ADAMTS19: variants seen among roughly 807,000 people sequenced by gnomAD.
The protein encoded by ADAMTS19 is ADAM metallopeptidase with thrombospondin type 1 motif 19.
In ADAMTS19, 93 loss-of-function variants were observed where a neutral mutation model predicts 153.3. That is an observed-to-expected ratio of 0.61 (90% CI 0.51 to 0.72). The LOEUF is 0.72. ADAMTS19 is among the 30% of genes least tolerant of loss of function. The pLI, the probability that ADAMTS19 is intolerant of heterozygous loss-of-function variation, is 0.00. For missense variants in ADAMTS19, 1,482 were observed against 1,552.1 expected, an observed-to-expected ratio of 0.95 and a Z score of 0.76; for synonymous variants, 600 against 556.6, an observed-to-expected ratio of 1.08 and a Z score of -1.10.
chr5:129,582,840 G>C (rs1287440569), intron 7 of ADAMTS19, among the ~76,000 whole-genome samples: 1 of 151,790 alleles, frequency 6.6e-6, no homozygotes, highest in Non-Finnish European at 1.5e-5. Context: ...CAAAAGTGCT[G>C]GGATTACAGG....
At chr5:129,571,088 T>C (rs1363084159) in intron 7 of ADAMTS19, among the ~76,000 whole-genome samples, 2 of 151,724 alleles carry the variant, frequency 1.3e-5, no homozygotes, top group Admixed American at 6.6e-5. Flanking sequence ...GAAAACTAAA[T>C]GAAAGGCATA....
chr5:129,703,236 C>T (rs1025420078), intron 20 of ADAMTS19, among the ~76,000 whole-genome samples: 3 of 150,670 alleles, frequency 2.0e-5, no homozygotes, highest in Non-Finnish European at 2.9e-5. Context: ...CATACATATT[C>T]CATGATGTGG....
chr5:129,513,881 T>C (rs1245591758), intron 3 of ADAMTS19, among the ~76,000 whole-genome samples: 1 of 152,060 alleles, frequency 6.6e-6, no homozygotes, highest in East Asian at 1.9e-4. Context: ...GTAGGTCTTA[T>C]TCATTTTTTC....
chr5:129,461,308 C>A lies in ADAMTS19; in HGVS notation c.298C>A (p.Pro100Thr). ...TGTGGCTCCGGTGCCTTTGGAGGAG[C>A]CCGTGGAGGGCCGATCAGAGTCCCG... ...RSVAPVPLEEPVEGRSESRLR... is the reference protein window; with the variant it reads ...RSVAPVPLEETVEGRSESRLR... Residue 100 changes from proline (P) to threonine (T), a missense_variant, in exon 2 of 23, where the codon CCC (proline) becomes ACC (threonine). Transcript: ENST00000274487. This position sits in a 1 kb window ranked among gnomAD's most constrained non-coding sequence, Gnocchi z 4.6. 7.6e-7 allele frequency: 1 copy of A among 1,312,106 alleles called. No individual in the cohort carries two copies. Among genetic ancestry groups the A allele is most frequent in the Non-Finnish European group, 9.6e-7 (1 of 1,038,162 alleles). 81.3% of individuals were successfully genotyped at this position (1,312,106 alleles called of 1,614,324 possible).
At chr5:129,502,328 T>C (rs755261723) in intron 2 of ADAMTS19, among the ~76,000 whole-genome samples, 23 of 151,958 alleles carry the variant, frequency 1.5e-4, no homozygotes, top group Non-Finnish European at 2.1e-4. Context: ...AAAATTTAAG[T>C]AGAGTGTAAG....
chr5:129,558,547 CTAAG>C (rs1378088702), intron 7 of ADAMTS19, among the ~76,000 whole-genome samples: 1 of 151,984 alleles, frequency 6.6e-6, no homozygotes, highest in Non-Finnish European at 1.5e-5. Flanking sequence ...GTCTGAAAGA[CTAAG>C]TATGATACAA....
chr5:129,519,825 C>T (rs941901182), intron 3 of ADAMTS19, among the ~76,000 whole-genome samples: 18 of 152,002 alleles, frequency 1.2e-4, no homozygotes, highest in South Asian at 4.1e-4. Context: ...TCTTGATTTC[C>T]GTCTAACCCT....
At chr5:129,557,975 A>G (rs1482890643) in intron 7 of ADAMTS19, among the ~76,000 whole-genome samples, 3 of 152,118 alleles carry the variant, frequency 2.0e-5, no homozygotes, top group Admixed American at 6.6e-5. Flanking sequence ...ATGTAACTAT[A>G]TATTCCAATT....
intron 10 of ADAMTS19, among the ~76,000 whole-genome samples, chr5:129,637,589 A>T (rs996263763): frequency 6.6e-6 from 1 of 152,140 alleles, no homozygotes; most frequent in Admixed American, 6.5e-5. Flanking sequence ...TCACACCTAT[A>T]ATCCCAGCAC....
intron 6 of ADAMTS19, among the ~76,000 whole-genome samples, chr5:129,545,580 T>G (rs1242657619): frequency 2.0e-5 from 3 of 152,012 alleles, no homozygotes; most frequent in Admixed American, 2.0e-4. Flanking sequence ...AATAAAAACA[T>G]GAACAGACAC....
intron 10 of ADAMTS19, among the ~76,000 whole-genome samples, chr5:129,637,564 G>T (rs917110574): frequency 1.3e-5 from 2 of 152,122 alleles, no homozygotes; most frequent in Admixed American, 1.3e-4. Flanking sequence ...ACCAAATAAT[G>T]CCAGGCGCGG....
intron 7 of ADAMTS19, among the ~76,000 whole-genome samples, chr5:129,576,676 C>T (rs540001052): frequency 7.9e-4 from 120 of 151,368 alleles, no homozygotes; most frequent in African/African-American, 2.8e-3. Context: ...GGGAGGGGGA[C>T]TTTGTGTAGG....
At chr5:129,475,829 C>G (rs1017559973) in intron 2 of ADAMTS19, among the ~76,000 whole-genome samples, 5 of 152,146 alleles carry the variant, frequency 3.3e-5, no homozygotes, top group African/African-American at 1.2e-4. Flanking sequence ...GAGACTCCAT[C>G]TCAAAATAAA....
intron 6 of ADAMTS19, among the ~76,000 whole-genome samples, chr5:129,549,072 T>A (rs1752969866): frequency 6.8e-6 from 1 of 148,010 alleles, no homozygotes; most frequent in East Asian, 2.1e-4. Context: ...ATATACCTAA[T>A]GCTAAATGAC....
rs1290684840 is a variant in ADAMTS19, at chr5:129,737,689, CATA to C, written c.*474_*476del. On this transcript the variant is annotated 3_prime_UTR_variant, in exon 23 of 23. Transcript: ENST00000274487. ...CTGTCACCTGCAGGAGATGTGTAAACATAATGAACCTCATGCTGTTGAACAGGT... is the reference window on the plus strand; with the variant it reads ...CTGTCACCTGCAGGAGATGTGTAAACATGAACCTCATGCTGTTGAACAGGT... The C allele has an allele frequency of 6.6e-6, 1 of 152,478 alleles. No homozygotes were observed. Among genetic ancestry groups the C allele is most frequent in the Non-Finnish European group, 1.5e-5 (1 of 67,992 alleles). The allele number at this position is 152,478 out of a possible 1,614,324, so 9.4% of individuals were successfully genotyped here.
chr5:129,498,223 CAA>C (rs1226889741), intron 2 of ADAMTS19, among the ~76,000 whole-genome samples: 1 of 152,044 alleles, frequency 6.6e-6, no homozygotes, highest in African/African-American at 2.4e-5. Flanking sequence ...AGCCTCCCAA[CAA>C]GTCTTGTGTC....
intron 2 of ADAMTS19, among the ~76,000 whole-genome samples, chr5:129,481,769 A>G (rs1750419557): frequency 6.6e-6 from 1 of 152,176 alleles, no homozygotes; most frequent in African/African-American, 2.4e-5. Flanking sequence ...CCCTCCCCAA[A>G]GGTGACTTCA....
At chr5:129,544,901 T>C (rs776660582) in intron 6 of ADAMTS19, among the ~76,000 whole-genome samples, 1 of 152,164 alleles carries the variant, frequency 6.6e-6, no homozygotes, top group Non-Finnish European at 1.5e-5. Flanking sequence ...CCTCTGGGTA[T>C]TCATTACCAT....
At chr5:129,546,317 C>A (rs1024444978) in intron 6 of ADAMTS19, among the ~76,000 whole-genome samples, 5 of 150,182 alleles carry the variant, frequency 3.3e-5, no homozygotes, top group Non-Finnish European at 7.4e-5. Flanking sequence ...AGCGCACCAG[C>A]ATGGCACATG....
Sources: gnomAD v4.1 joint callset for allele counts (sites outside exome capture counted in the v4.1 genomes callset) on GRCh38, gnomAD v4.1.1 for gene constraint, Gnocchi (gnomAD v3.1) non-coding constraint, MANE v1.5 for transcripts, NCBI Gene and HGNC (gene_info 2026-07-23, HGNC 2026-07-21) for gene names.